The following SUDS3 variants were observed in gnomAD, a reference collection of about 807,000 sequenced individuals.
The protein encoded by SUDS3 is SIN3A corepressor complex component SDS3.
A neutral mutation model predicts 53.5 loss-of-function variants in SUDS3; 23 were observed. The observed-to-expected ratio is 0.43, with a 90% CI of 0.31 to 0.61. SUDS3 has a LOEUF of 0.61. Among genes scored for constraint, SUDS3 ranks in the 20% least tolerant of loss-of-function variants. SUDS3 has a pLI of 0.10. For missense variants in SUDS3, 291 were observed against 405.9 expected (o/e 0.72, Z 2.43); for synonymous variants, 150 against 148.5 (o/e 1.01, Z -0.08).
intron 10 of SUDS3, among the ~76,000 whole-genome samples, chr12:118,409,430 C>T (rs1593783861): frequency 6.6e-6 from 1 of 152,180 alleles, no homozygotes; most frequent in African/African-American, 2.4e-5. Context: ...CAGGCGTGAG[C>T]CACCACGCCC....
At chr12:118,391,416 TTCC>T in intron 6 of SUDS3, 134 bp downstream of exon 6, 2 of 998,344 alleles carry the variant, frequency 2.0e-6, no homozygotes, top group Non-Finnish European at 3.0e-6. Flanking sequence ...TAGATCAGAG[TTCC>T]TCCTCCACCT....
intron 2 of SUDS3, among the ~76,000 whole-genome samples, chr12:118,382,512 C>T (rs928404663): frequency 4.6e-5 from 7 of 151,838 alleles, no homozygotes; most frequent in South Asian, 4.2e-4. Context: ...ACAACAGGCA[C>T]GTGCCACCAC....
At chr12:118,404,570 T>C (rs983441174) in intron 10 of SUDS3, 9 of 152,250 alleles carry the variant, frequency 5.9e-5, no homozygotes, top group African/African-American at 2.2e-4. Context: ...CTGCTAGATA[T>C]GAAATGGATA....
intron 10 of SUDS3, among the ~76,000 whole-genome samples, chr12:118,405,072 T>C (rs774440694): frequency 2.0e-5 from 3 of 152,242 alleles, no homozygotes; most frequent in East Asian, 1.9e-4. Flanking sequence ...GTTTGTGTTA[T>C]ATCTTAACAT....
intron 11 of SUDS3, among the ~76,000 whole-genome samples, chr12:118,412,924 T>C (rs919829305): frequency 7.2e-5 from 11 of 152,162 alleles, no homozygotes. Context: ...TTCTTGAAAG[T>C]GTTCCAGCTC....
intron 1 of SUDS3, among the ~76,000 whole-genome samples, chr12:118,378,551 A>C (rs1211541872): frequency 6.6e-6 from 1 of 150,544 alleles, no homozygotes; most frequent in Non-Finnish European, 1.5e-5. Context: ...TCACGATCTC[A>C]GCTCACTGCA....
At position 118,391,119 on chromosome 12, in the gene SUDS3, TG is replaced by T; in HGVS notation, c.361-6del. The T allele has an allele frequency of 1.2e-6, 2 of 1,611,816 alleles. No homozygotes were observed. The highest frequency in any genetic ancestry group is 1.7e-6 in the Non-Finnish European group (2 of 1,179,338). On this transcript the variant is annotated splice_polypyrimidine_tract_variant and splice_region_variant and intron_variant, in intron 5 of 11. Transcript: ENST00000543473. The stretch of plus-strand genomic sequence containing the variant: ...GTACTCCCAGCCCGTGTTTCTCTTT[TG>T]CTCAGACTGAACAAGTGGAACGAAA...
intron 6 of SUDS3, among the ~76,000 whole-genome samples, chr12:118,392,278 C>T (rs1242708091): frequency 6.6e-6 from 1 of 152,196 alleles, no homozygotes; most frequent in Non-Finnish European, 1.5e-5. Flanking sequence ...TCAGGGCTGA[C>T]TTTGAAATTA....
intron 6 of SUDS3, among the ~76,000 whole-genome samples, chr12:118,396,612 A>G (rs2046217735): frequency 6.6e-6 from 1 of 152,174 alleles, no homozygotes; most frequent in Middle Eastern, 3.2e-3. Flanking sequence ...ATTTTTCCCA[A>G]TAGATAAATA....
chr12:118,402,017 T>C lies in SUDS3; in HGVS notation c.697+13T>C, dbSNP rs769764070. ...CCCAAGAGACCAGGTGAGTGCATGATGTGTTGGCATTTGTGCAACCTTTTT... is the reference window on the plus strand; with the variant it reads ...CCCAAGAGACCAGGTGAGTGCATGACGTGTTGGCATTTGTGCAACCTTTTT... On this transcript the variant is annotated intron_variant, in intron 9 of 11. Coordinates refer to ENST00000543473, the MANE Select transcript of SUDS3 (RefSeq NM_022491.3). The C allele has an allele frequency of 6.2e-7, 1 of 1,613,938 alleles. No individual in the cohort carries two copies. The highest frequency in any genetic ancestry group is 1.1e-5 in the South Asian group (1 of 91,066).
intron 10 of SUDS3, among the ~76,000 whole-genome samples, chr12:118,407,462 T>C (rs2046318081): frequency 6.6e-6 from 1 of 152,140 alleles, no homozygotes; most frequent in Admixed American, 6.5e-5. Context: ...AGGAGGCGGA[T>C]CTGGGAGGTG....
rs1381897547 is a variant in SUDS3, at chr12:118,376,740, C to T, written c.49C>T (p.Pro17Ser). The change falls in exon 1 of 12, where the codon CCG (proline) becomes TCG (serine). Residue 17 changes from proline (P) to serine (S), a missense_variant. By Grantham distance (74) the Pro-to-Ser change is moderately conservative (BLOSUM62 -1). Coordinates refer to ENST00000543473, the MANE Select transcript of SUDS3 (RefSeq NM_022491.3). ...CCCGGCCCCGGCCCAGGCTGGAGCG[C>T]CGCCGGCCCCCGAGTACTACCCCGA... ...LAPAPAQAGA[P>S]PAPEYYPEED... The T allele has an allele frequency of 1.3e-6, 2 of 1,536,228 alleles. No homozygotes were observed. The highest frequency in any genetic ancestry group is 8.7e-7 in the Non-Finnish European group (1 of 1,146,636).
chr12:118,408,110 A>G (rs2046324172), intron 10 of SUDS3, among the ~76,000 whole-genome samples: 1 of 152,186 alleles, frequency 6.6e-6, no homozygotes, highest in South Asian at 2.1e-4. Context: ...CATGTTCGCC[A>G]GGATGGCCTC....
In SUDS3 at chr12:118,391,324, G is replaced by C. The variant is rs150162609; in HGVS notation, c.517+42G>C. ...GGGTGGGATCTTGGGGGCCCTGAGC[G>C]GGGGGGTGTGAAGGGCTGTTCCAGT... On this transcript the variant is annotated intron_variant, in intron 6 of 11. Coordinates refer to ENST00000543473, the MANE Select transcript of SUDS3 (RefSeq NM_022491.3). 1.5e-3 allele frequency: 2,301 copies of C among 1,558,036 alleles called. 29 individuals carry two copies. In the African/African-American group the frequency reaches 0.026, roughly 18 times the overall value.
rs780908992 is a variant in SUDS3, at chr12:118,411,170, C to T, written c.888+13C>T. ...AGGAGCCAATGAGGTGGGAACCACA[C>T]TCCCTCACCTTTAGGGAAGCAAAAT... On this transcript the variant is annotated intron_variant, in intron 11 of 11. Coordinates refer to ENST00000543473, the MANE Select transcript of SUDS3 (RefSeq NM_022491.3). 67 of 1,579,478 alleles carry T rather than the reference C, an allele frequency of 4.2e-5. No homozygotes were observed. Among genetic ancestry groups the T allele is most frequent in the Non-Finnish European group, 5.6e-5 (65 of 1,162,176 alleles).
intron 6 of SUDS3, among the ~76,000 whole-genome samples, chr12:118,391,605 T>C (rs923167648): frequency 6.6e-6 from 1 of 152,240 alleles, no homozygotes; most frequent in African/African-American, 2.4e-5. Flanking sequence ...TTGCAAGCTC[T>C]GGCTTAGACT....
intron 6 of SUDS3, 59 bp downstream of exon 6, chr12:118,391,341 T>C (rs2046166414): frequency 2.0e-6 from 3 of 1,528,214 alleles, no homozygotes; most frequent in Non-Finnish European, 2.6e-6. Context: ...TGTGAAGGGC[T>C]GTTCCAGTTA....
intron 1 of SUDS3, 95 bp from the exon 2 acceptor site, chr12:118,380,067 T>A (rs1024606866): frequency 1.0e-6 from 1 of 969,876 alleles, no homozygotes; most frequent in Admixed American, 2.2e-5. Context: ...AGAAATTGAT[T>A]TTACGGGAGT....
chr12:118,376,916 G>A, intron 1 of SUDS3, 83 bp downstream of exon 1: 4 of 1,350,034 alleles, frequency 3.0e-6, no homozygotes, highest in Non-Finnish European at 2.9e-6. Context: ...GAGAGGGGCG[G>A]GGCGGCCTCC....
Sources: allele counts gnomAD v4.1 joint callset (sites outside exome capture counted in the v4.1 genomes callset), GRCh38; gene constraint gnomAD v4.1.1; transcripts MANE v1.5; gene names NCBI Gene and HGNC (gene_info 2026-07-23, HGNC 2026-07-21).